RBFOX3: variants seen among roughly 807,000 people sequenced by gnomAD.
RBFOX3 encodes RNA binding fox-1 homolog 3.
Under a neutral mutation model 48.7 loss-of-function variants are expected in RBFOX3, and 17 were observed. That is an observed-to-expected ratio of 0.35 (90% CI 0.24 to 0.52). The LOEUF (loss-of-function observed/expected upper bound fraction) is 0.52, where lower values mean the gene tolerates loss of function less well. Among genes scored for constraint, RBFOX3 ranks in the 20% least tolerant of loss-of-function variants. RBFOX3 has a pLI of 0.94. For missense variants in RBFOX3, 382 were observed against 497.5 expected (o/e 0.77, Z 2.21); for synonymous variants, 212 against 209.5 (o/e 1.01, Z -0.10).
intron 4 of RBFOX3, among the ~76,000 whole-genome samples, chr17:79,190,414 C>CAAAAAA (rs71161650): frequency 1.3e-4 from 12 of 93,526 alleles, no homozygotes; most frequent in South Asian, 3.6e-4. Context: ...TCTGTCTCAC[C>CAAAAAA]AAAAAAAAAA....
chr17:79,558,576 G>T (rs1207365596), intron 1 of RBFOX3, among the ~76,000 whole-genome samples: 1 of 152,076 alleles, frequency 6.6e-6, no homozygotes, highest in African/African-American at 2.4e-5. Flanking sequence ...GTGGCTTCGG[G>T]CCCCTGAACA....
At chr17:79,293,697 C>T (rs1204644015) in intron 3 of RBFOX3, among the ~76,000 whole-genome samples, 1 of 152,122 alleles carries the variant, frequency 6.6e-6, no homozygotes, top group Non-Finnish European at 1.5e-5. Context: ...AGGTGATCTG[C>T]CTGCCTTGGC....
At chr17:79,122,480 A>G (rs1445728368) in intron 4 of RBFOX3, among the ~76,000 whole-genome samples, 1 of 152,234 alleles carries the variant, frequency 6.6e-6, no homozygotes, top group African/African-American at 2.4e-5. Context: ...ATCATCAGAG[A>G]AATGCAAATC....
chr17:79,483,639 G>A (rs945148007), intron 1 of RBFOX3, among the ~76,000 whole-genome samples: 8 of 151,352 alleles, frequency 5.3e-5, no homozygotes, highest in South Asian at 2.1e-4. Flanking sequence ...GCTGGATCCC[G>A]CCATCCCACT....
chr17:79,375,608 T>C (rs576653261), intron 2 of RBFOX3, among the ~76,000 whole-genome samples: 2 of 152,212 alleles, frequency 1.3e-5, no homozygotes, highest in South Asian at 2.1e-4. Flanking sequence ...GCAAAAAGTT[T>C]CTGGGGGCTG....
At chr17:79,470,519 C>T (rs1380549891) in intron 2 of RBFOX3, among the ~76,000 whole-genome samples, 1 of 152,144 alleles carries the variant, frequency 6.6e-6, no homozygotes, top group African/African-American at 2.4e-5. Context: ...CCAAACCACC[C>T]CTCAGCACAC....
At position 79,512,390 on chromosome 17, in the gene RBFOX3, G is replaced by T. The variant is rs1279020361; in HGVS notation, c.-319-29792C>A. 9.3e-5 allele frequency among the ~76,000 whole-genome samples: 11 copies of T among 118,124 alleles called. No individual in the cohort carries two copies. The South Asian group carries it at 3.1e-3, about 33-fold the overall frequency. 77.5% of individuals were successfully genotyped at this position (118,124 alleles called of 152,430 possible). Reference sequence around the variant, plus strand: ...ACCCACCCGGATACATGTTACCATCGGGTACAGCCCCATAGCCAGGGGACG... The same window carrying T: ...ACCCACCCGGATACATGTTACCATCTGGTACAGCCCCATAGCCAGGGGACG... On this transcript the variant is annotated intron_variant, in intron 1 of 14. Transcript: ENST00000693108.
chr17:79,629,156 A>G, the RBFOX3 span, among the ~76,000 whole-genome samples: 34 of 152,350 alleles, frequency 2.2e-4, no homozygotes, highest in African/African-American at 8.2e-4. Context: ...GAACAGCCAG[A>G]TAACAAGTCC....
At chr17:79,191,296 A>T (rs1014184051) in intron 4 of RBFOX3, among the ~76,000 whole-genome samples, 7 of 152,236 alleles carry the variant, frequency 4.6e-5, no homozygotes, top group African/African-American at 1.7e-4. Flanking sequence ...GCACCCCAGG[A>T]CTGGGAAGTT....
chr17:79,355,949 A>T (rs1473352505), intron 2 of RBFOX3, among the ~76,000 whole-genome samples: 1 of 152,222 alleles, frequency 6.6e-6, no homozygotes, highest in Admixed American at 6.5e-5. Flanking sequence ...AATGTTTGAC[A>T]TCCTTATGTA....
chr17:79,631,161 T>G, the RBFOX3 span, among the ~76,000 whole-genome samples: 1 of 152,110 alleles, frequency 6.6e-6, no homozygotes, highest in Non-Finnish European at 1.5e-5. Context: ...GGGACTCGCA[T>G]CAGGACGTTG....
chr17:79,248,639 G>C (rs1189056472), intron 3 of RBFOX3, among the ~76,000 whole-genome samples: 1 of 152,242 alleles, frequency 6.6e-6, no homozygotes, highest in Non-Finnish European at 1.5e-5. Flanking sequence ...CCTGTGCTTG[G>C]TGTCCCCCAC....
rs991132994 is a variant in RBFOX3, at chr17:79,471,205, G to A, written c.-175+11249C>T. Reference sequence around the variant, plus strand: ...CCTGCTGGAAGAGGCCAGGACACACGAAGGGTCTCTCATGGGAAGCAGCCA... The same window carrying A: ...CCTGCTGGAAGAGGCCAGGACACACAAAGGGTCTCTCATGGGAAGCAGCCA... On this transcript the variant is annotated intron_variant, in intron 2 of 14. Coordinates refer to ENST00000693108, the MANE Select transcript of RBFOX3 (RefSeq NM_001350451.2). The surrounding 1 kb of genome is among the most constrained non-coding windows in gnomAD (Gnocchi z 4.0). 1.3e-5 allele frequency among the ~76,000 whole-genome samples: 2 copies of A among 152,280 alleles called. No homozygotes were observed. Among genetic ancestry groups the A allele is most frequent in the Admixed American group, 6.5e-5 (1 of 15,294 alleles).
intron 1 of RBFOX3, among the ~76,000 whole-genome samples, chr17:79,491,279 G>A (rs866414): frequency 6.6e-6 from 1 of 150,554 alleles, no homozygotes; most frequent in African/African-American, 2.5e-5. Flanking sequence ...TAGGACTAGG[G>A]GTAGCAGGAG....
At chr17:79,276,786 A>G (rs1567962839) in intron 3 of RBFOX3, among the ~76,000 whole-genome samples, 1 of 152,234 alleles carries the variant, frequency 6.6e-6, no homozygotes. Context: ...GCATGTTCTC[A>G]GCAGTCCACG....
chr17:79,208,797 C>T lies in RBFOX3; in HGVS notation c.-34+26969G>A, dbSNP rs115382370. 9.5e-3 allele frequency among the ~76,000 whole-genome samples: 1,449 copies of T among 152,034 alleles called. 25 individuals are homozygous for T. The highest frequency in any genetic ancestry group is 0.033 in the African/African-American group (1,376 of 41,468). On this transcript the variant is annotated intron_variant, in intron 4 of 14. Coordinates refer to ENST00000693108, the MANE Select transcript of RBFOX3 (RefSeq NM_001350451.2). ...ACAGGACCTCACTCCCATCTCCACC[C>T]TGGCTGCTCTTTCTCTCTTTCTTTT...
chr17:79,382,687 T>C (rs539492882), intron 2 of RBFOX3, among the ~76,000 whole-genome samples: 113 of 152,318 alleles, frequency 7.4e-4, no homozygotes, highest in African/African-American at 2.5e-3. Context: ...AGTGCCAGCA[T>C]CCTCGCAAAC....
At chr17:79,394,696 C>A (rs1198082711) in intron 2 of RBFOX3, among the ~76,000 whole-genome samples, 1 of 152,214 alleles carries the variant, frequency 6.6e-6, no homozygotes, top group African/African-American at 2.4e-5. Context: ...CCTCTTTATC[C>A]AAGTCTCTTT....
chr17:79,633,934 A>G, the RBFOX3 span, among the ~76,000 whole-genome samples: 1 of 152,140 alleles, frequency 6.6e-6, no homozygotes, highest in Non-Finnish European at 1.5e-5. Flanking sequence ...TATCATGCAC[A>G]TCTGTAATCC....
Sources: gnomAD v4.1 joint callset for allele counts (sites outside exome capture counted in the v4.1 genomes callset) on GRCh38, gnomAD v4.1.1 for gene constraint, Gnocchi (gnomAD v3.1) non-coding constraint, MANE v1.5 for transcripts, NCBI Gene and HGNC (gene_info 2026-07-23, HGNC 2026-07-21) for gene names.